The following OGFOD1 variants were observed in gnomAD, a reference collection of about 807,000 sequenced individuals.
OGFOD1 encodes the protein 2-oxoglutarate and iron dependent oxygenase domain containing 1.
Under a neutral mutation model 67.7 loss-of-function variants are expected in OGFOD1, and 54 were observed. That is an observed-to-expected ratio of 0.80 (90% CI 0.64 to 1.00). The LOEUF (loss-of-function observed/expected upper bound fraction) is 1.00, where lower values mean the gene tolerates loss of function less well. OGFOD1 is among the 50% of genes least tolerant of loss of function. The pLI, the probability that OGFOD1 is intolerant of heterozygous loss-of-function variation, is 0.00. For synonymous variants in OGFOD1, 221 were observed against 227.0 expected, an observed-to-expected ratio of 0.97 and a Z score of 0.24; for missense variants, 606 against 646.7, an observed-to-expected ratio of 0.94 and a Z score of 0.68.
At chr16:56,464,599 G>T (rs4784670) in intron 4 of OGFOD1, among the ~76,000 whole-genome samples, 104,299 of 151,880 alleles carry the variant, frequency 0.69, 37,684 homozygotes, top group African/African-American at 0.93. Flanking sequence ...TGGATTGCTG[G>T]TTGTGTAATG....
At chr16:56,458,467 A>G (rs528642609) in intron 2 of OGFOD1, 81 bp from the exon 3 acceptor site, 2 of 1,264,936 alleles carry the variant, frequency 1.6e-6, no homozygotes, top group African/African-American at 1.5e-5. Context: ...TGCTAGGACC[A>G]GAACACTCAC....
At chr16:56,455,654 A>G (rs558481169) in intron 2 of OGFOD1, among the ~76,000 whole-genome samples, 5 of 152,054 alleles carry the variant, frequency 3.3e-5, no homozygotes, top group African/African-American at 1.2e-4. Flanking sequence ...ACATCTTCCA[A>G]CTCCCATAAC....
Position 56,462,589 on chromosome 16 carries a change from C to G in OGFOD1, c.403C>G (p.Leu135Val). ...GCTTTCTGATATTTCTAAAATTGAC[C>G]TGGAATCAACCATTGACATGTCCTG... ...SWLSDISKID[L>V]ESTIDMSCAK... The change falls in exon 4 of 13, where the codon CTG (leucine) becomes GTG (valine). Residue 135 changes from leucine (L) to valine (V), a missense_variant. By Grantham distance (32) the Leu-to-Val change is conservative. Coordinates refer to ENST00000566157, the MANE Select transcript of OGFOD1 (RefSeq NM_018233.4). 6.2e-7 allele frequency: 1 copy of G among 1,612,934 alleles called. No homozygotes were observed. Among genetic ancestry groups the G allele is most frequent in the South Asian group, 1.1e-5 (1 of 91,062 alleles).
intron 4 of OGFOD1, among the ~76,000 whole-genome samples, 158 bp downstream of exon 4, chr16:56,462,792 C>T (rs1962756809): frequency 6.6e-6 from 1 of 152,178 alleles, no homozygotes; most frequent in Admixed American, 6.5e-5. Flanking sequence ...GAAATACCCA[C>T]CTTATTGGAA....
intron 1 of OGFOD1, among the ~76,000 whole-genome samples, chr16:56,452,788 A>G (rs117653678): frequency 0.055 from 8,333 of 152,196 alleles, 313 homozygotes; most frequent in Non-Finnish European, 0.083. Flanking sequence ...AAATCAAGGA[A>G]TTAGAGGTGG....
At chr16:56,469,300 T>C (rs1963040607) in intron 8 of OGFOD1, among the ~76,000 whole-genome samples, 1 of 152,242 alleles carries the variant, frequency 6.6e-6, no homozygotes, top group African/African-American at 2.4e-5. Context: ...ATACAGAGAT[T>C]GTCACGGTAA....
intron 6 of OGFOD1, 81 bp downstream of exon 6, chr16:56,467,048 T>C: frequency 6.5e-7 from 1 of 1,540,584 alleles, no homozygotes; most frequent in Non-Finnish European, 9.0e-7. Context: ...AGCTTCCTGT[T>C]AGACTTGTTA....
chr16:56,452,645 AGAGT>A (rs1283239362), intron 1 of OGFOD1, among the ~76,000 whole-genome samples: 1 of 152,150 alleles, frequency 6.6e-6, no homozygotes, highest in Non-Finnish European at 1.5e-5. Context: ...TAGAATGGGG[AGAGT>A]GATAATGTCT....
rs192410455 is a variant in OGFOD1, at chr16:56,466,862, C to T, written c.566-14C>T. 18 of 1,592,998 alleles carry T rather than the reference C, an allele frequency of 1.1e-5. No individual in the cohort carries two copies. In the East Asian group the frequency reaches 4.0e-4, roughly 36 times the overall value. ...GTTAATGATAATTTATTGATGTGTT[C>T]TTTCCTGGTGCAGAACACTTTCAGC... On this transcript the variant is annotated splice_polypyrimidine_tract_variant and intron_variant, in intron 5 of 12. Coordinates refer to ENST00000566157, the MANE Select transcript of OGFOD1 (RefSeq NM_018233.4).
chr16:56,454,655 A>G (rs562621811), intron 2 of OGFOD1: 5,502 of 262,068 alleles, frequency 0.021, 279 homozygotes, highest in African/African-American at 0.15. Flanking sequence ...TGGGGGGGGA[A>G]AAAAAAAAGA....
At chr16:56,467,432 T>C in intron 7 of OGFOD1, 139 bp downstream of exon 7, 1 of 568,900 alleles carries the variant, frequency 1.8e-6, no homozygotes, top group Non-Finnish European at 2.6e-6. Flanking sequence ...TTTTCTTCCT[T>C]TTTTTTTTTT....
chr16:56,474,821 TC>T lies in OGFOD1; in HGVS notation c.1286-5del. On this transcript the variant is annotated splice_region_variant and splice_polypyrimidine_tract_variant and intron_variant, in intron 10 of 12. Coordinates refer to ENST00000566157, the MANE Select transcript of OGFOD1 (RefSeq NM_018233.4). Reference sequence around the variant, plus strand: ...TTAAAGTTTCTCATCTTTTTTTTTTTCCTTAGAATCAAGTGTTCCCATGTGC... The same window carrying T: ...TTAAAGTTTCTCATCTTTTTTTTTTTCTTAGAATCAAGTGTTCCCATGTGC... 6.3e-7 allele frequency: 1 copy of T among 1,586,312 alleles called. No individual in the cohort carries two copies. Among genetic ancestry groups the T allele is most frequent in the Non-Finnish European group, 8.5e-7 (1 of 1,171,854 alleles).
rs763734158 is a variant in OGFOD1, at chr16:56,470,697, T to C, written c.1191T>C (p.Pro397=). The change falls in exon 10 of 13, where the codon CCT becomes CCC. Residue 397 remains proline, a synonymous_variant. Coordinates refer to ENST00000566157, the MANE Select transcript of OGFOD1 (RefSeq NM_018233.4). The part of the protein sequence containing the change: ...ITEEGTSHSP[P]EPENNQMAIS... ...AAGAAGGGACTAGCCATAGTCCTCC[T>C]GAGCCAGAGAATAATCAGATGGCCA... The C allele has an allele frequency of 6.2e-7, 1 of 1,614,162 alleles. No homozygotes were observed. The highest frequency in any genetic ancestry group is 1.1e-5 in the South Asian group (1 of 91,078).
Position 56,476,368 on chromosome 16 carries a change from G to C in OGFOD1, c.*163G>C, listed in dbSNP as rs1243365774. 1 of 506,488 alleles carries C rather than the reference G, an allele frequency of 2.0e-6. No homozygotes were observed. The highest frequency in any genetic ancestry group is 3.3e-6 in the Non-Finnish European group (1 of 304,470). The allele number at this position is 506,488 out of a possible 1,614,324, so 31.4% of individuals were successfully genotyped here. ...ACTCATAATGATTGTCCTCAACCGA[G>C]ACCTTGAGCTTGCAGCTAAGTACTT... On this transcript the variant is annotated 3_prime_UTR_variant, in exon 13 of 13. Transcript: ENST00000566157.
intron 4 of OGFOD1, among the ~76,000 whole-genome samples, chr16:56,465,201 T>G (rs1168796277): frequency 6.6e-6 from 1 of 152,126 alleles, no homozygotes; most frequent in Non-Finnish European, 1.5e-5. Context: ...GGTTTTGCCA[T>G]GTTGGCCAGG....
At chr16:56,472,829 C>G (rs1203730663) in intron 10 of OGFOD1, among the ~76,000 whole-genome samples, 2 of 152,170 alleles carry the variant, frequency 1.3e-5, no homozygotes, top group Non-Finnish European at 2.9e-5. Context: ...TCATAAACCT[C>G]TTTCTGATCC....
In OGFOD1 at chr16:56,475,507, G is replaced by C; in HGVS notation, c.1409G>C (p.Gly470Ala). 1 of 1,613,974 alleles carries C rather than the reference G, an allele frequency of 6.2e-7. No individual in the cohort carries two copies. Among genetic ancestry groups the C allele is most frequent in the Non-Finnish European group, 8.5e-7 (1 of 1,179,876 alleles). Residue 470 changes from glycine to alanine, a missense_variant and splice_region_variant, in exon 12 of 13, where the codon GGC (glycine) becomes GCC (alanine). Physicochemically the swap from Gly to Ala is moderately conservative, Grantham distance 60. Coordinates refer to ENST00000566157, the MANE Select transcript of OGFOD1 (RefSeq NM_018233.4). ...ATGCTGTTTGTTTTTCTCTTGTAAG[G>C]CTGGGAGCCAGAATATGGCGGTTTT... The part of the protein sequence containing the change: ...LDLILYCGCE[G>A]WEPEYGGFTS...
At position 56,472,508 on chromosome 16, in the gene OGFOD1, C is replaced by A. The variant is rs527706830; in HGVS notation, c.1285+1717C>A. On this transcript the variant is annotated intron_variant, in intron 10 of 12. Coordinates refer to ENST00000566157, the MANE Select transcript of OGFOD1 (RefSeq NM_018233.4). ...AAGCTTGGCAAAAGCTATCAAATTG[C>A]TGGGCATATGATAGCAGTGCTAAAC... is the stretch of plus-strand genomic sequence containing the variant. Among the ~76,000 whole-genome samples, 55 of 152,238 alleles carry A rather than the reference C, an allele frequency of 3.6e-4. 1 individual carries two copies. In the South Asian group the frequency reaches 0.011, roughly 30 times the overall value.
chr16:56,452,293 C>T (rs1962365534), intron 1 of OGFOD1: 1 of 152,750 alleles, frequency 6.5e-6, no homozygotes, highest in African/African-American at 2.4e-5. Flanking sequence ...TCAGCTGTCC[C>T]AGGAGAGTCT....
Sources: allele counts gnomAD v4.1 joint callset (sites outside exome capture counted in the v4.1 genomes callset), GRCh38; gene constraint gnomAD v4.1.1; transcripts MANE v1.5; gene names NCBI Gene and HGNC (gene_info 2026-07-23, HGNC 2026-07-21).